Variants in EXOC3L1 observed in about 807,000 individuals in gnomAD.
EXOC3L1 encodes exocyst complex component 3-like protein.
In EXOC3L1, 79 loss-of-function variants were observed where a neutral mutation model predicts 83.6. The observed-to-expected ratio is 0.95, with a 90% confidence interval of 0.79 to 1.14. EXOC3L1 has a LOEUF of 1.14. EXOC3L1 is among the 50% of genes most tolerant of loss of function. The probability of loss-of-function intolerance (pLI) is 0.00; values close to 1 mark genes in which losing one functional copy is unlikely to be tolerated. For synonymous variants in EXOC3L1, 433 were observed against 451.2 expected, an observed-to-expected ratio of 0.96 and a Z score of 0.51; for missense variants, 945 against 972.0, an observed-to-expected ratio of 0.97 and a Z score of 0.37.
At position 67,186,652 on chromosome 16, in the gene EXOC3L1, C is replaced by A; in HGVS notation, c.1290G>T (p.Leu430=). The change falls in exon 8 of 14, where the codon CTG becomes CTT. Residue 430 remains leucine, a synonymous_variant. Transcript: ENST00000314586. ...SPMPAIVLQI[L]EENIRVASLV... ...GGCTGGCCACACGAATGTTCTCTTC[C>A]AGGATCTGCAGGCAGAAATGAGCAG... The A allele has an allele frequency of 6.2e-7, 1 of 1,614,072 alleles. No individual in the cohort carries two copies. The highest frequency in any genetic ancestry group is 8.5e-7 in the Non-Finnish European group (1 of 1,179,982).
In EXOC3L1 at chr16:67,186,217, C is replaced by T. The variant is rs2032717229; in HGVS notation, c.1496+20G>A. ...ATAGGGGGTTAGTGAAGGTGGGGTTCCCTGGGGGCCTTCTGGTACCTGAGT... is the reference window on the plus strand; with the variant it reads ...ATAGGGGGTTAGTGAAGGTGGGGTTTCCTGGGGGCCTTCTGGTACCTGAGT... On this transcript the variant is annotated intron_variant, in intron 9 of 13. Transcript: ENST00000314586. The T allele has an allele frequency of 8.5e-6, 13 of 1,530,524 alleles. No individual in the cohort carries two copies. The highest frequency in any genetic ancestry group is 4.1e-5 in the African/African-American group (3 of 72,716). 94.8% of individuals were successfully genotyped at this position (1,530,524 alleles called of 1,614,324 possible). A position where few individuals can be genotyped will look rare whatever the true frequency, so the allele number is the denominator to read the frequency against.
Position 67,188,802 on chromosome 16 carries a change from T to A in EXOC3L1, c.346A>T (p.Thr116Ser). ...LLQGMSQALQ[T>S]LEPLRERVAQ... is the part of the protein sequence containing the mutation. ...ACCCGCTCCCGTAGGGGCTCTAGAG[T>A]CTGTAAGGCCTGGGACATGCCCTGG... The change falls in exon 4 of 14, where the codon ACT becomes TCT. Residue 116 changes from threonine to serine, a missense_variant. By Grantham distance (58) the Thr-to-Ser change is moderately conservative. Transcript: ENST00000314586. 6.2e-7 allele frequency: 1 copy of A among 1,613,212 alleles called. No homozygotes were observed. The highest frequency in any genetic ancestry group is 8.5e-7 in the Non-Finnish European group (1 of 1,179,996).
At position 67,185,067 on chromosome 16, in the gene EXOC3L1, G is replaced by A; in HGVS notation, c.1750-10C>T. The A allele has an allele frequency of 6.2e-7, 1 of 1,610,602 alleles. No individual in the cohort carries two copies. Among genetic ancestry groups the A allele is most frequent in the Non-Finnish European group, 8.5e-7 (1 of 1,178,398 alleles). On this transcript the variant is annotated splice_polypyrimidine_tract_variant and intron_variant, in intron 11 of 13. Coordinates refer to ENST00000314586, the MANE Select transcript of EXOC3L1 (RefSeq NM_178516.4). ...CCTCAGCCAGCAGCAGCTGCGGGGA[G>A]GCAATCAGGCGGGTGCAGGTCGCCT...
Position 67,189,093 on chromosome 16 carries a change from T to A in EXOC3L1, c.134A>T (p.Glu45Val), listed in dbSNP as rs760135018. The part of the protein sequence containing the change: ...KWASGIFYRP[E>V]QLARLGQYRS... ...GTACTGGCCTAGCCTGGCCAGCTGC[T>A]CCGGCCGGTAGAAGATGCCTGAGGC... Residue 45 changes from glutamate to valine, a missense_variant, in exon 3 of 14, where the codon GAG (glutamate) becomes GTG (valine). Coordinates refer to ENST00000314586, the MANE Select transcript of EXOC3L1 (RefSeq NM_178516.4). 1 of 1,608,182 alleles carries A rather than the reference T, an allele frequency of 6.2e-7. No homozygotes were observed. Among genetic ancestry groups the A allele is most frequent in the Non-Finnish European group, 8.5e-7 (1 of 1,179,028 alleles).
intron 10 of EXOC3L1, 33 bp downstream of exon 10, chr16:67,185,328 C>T (rs1273037061): frequency 1.2e-6 from 2 of 1,612,904 alleles, no homozygotes; most frequent in South Asian, 1.1e-5. Flanking sequence ...CACCTCTCCA[C>T]CTGCTCCCAT....
chr16:67,187,731 T>G lies in EXOC3L1; in HGVS notation c.534A>C (p.Ala178=). The part of the protein sequence containing the change: ...ELEQLREDTW[A]PLGGLELPVF... ...CTGGCAACTCCAGGCCCCCCAGGGGTGCCCACGTATCCTCTCGCAGCTGCT... is the reference window on the plus strand; with the variant it reads ...CTGGCAACTCCAGGCCCCCCAGGGGGGCCCACGTATCCTCTCGCAGCTGCT... Residue 178 remains alanine, a synonymous_variant, in exon 5 of 14, where the codon GCA becomes GCC. Coordinates refer to ENST00000314586, the MANE Select transcript of EXOC3L1 (RefSeq NM_178516.4). The G allele has an allele frequency of 6.2e-7, 1 of 1,612,906 alleles. No homozygotes were observed. The highest frequency in any genetic ancestry group is 8.5e-7 in the Non-Finnish European group (1 of 1,179,986).
chr16:67,184,574 C>G lies in EXOC3L1; in HGVS notation c.2061G>C (p.Leu687=), dbSNP rs2032623541. The change falls in exon 14 of 14, where the codon CTG becomes CTC. Residue 687 remains leucine, a synonymous_variant. Coordinates refer to ENST00000314586, the MANE Select transcript of EXOC3L1 (RefSeq NM_178516.4). ...GCTGCTCCCGGGACAAGTCCCCGCG[C>G]AGGCCCAAGAGGGCGGAGACGTGGT... ...SEDHVSALLG[L]RGDLSREQHL... 19 of 1,560,554 alleles carry G rather than the reference C, an allele frequency of 1.2e-5. No homozygotes were observed. Among genetic ancestry groups the G allele is most frequent in the Non-Finnish European group, 1.6e-5 (19 of 1,161,198 alleles).
At chr16:67,187,927 G>T in intron 4 of EXOC3L1, 90 bp from the exon 5 acceptor site, 2 of 1,460,798 alleles carry the variant, frequency 1.4e-6, no homozygotes, top group Non-Finnish European at 1.8e-6. Flanking sequence ...CCAGGGCGGG[G>T]GTGATGCATA....
rs1452624105 is a variant in EXOC3L1 at position 67,186,869 on chromosome 16, A to G, written c.1174T>C (p.Trp392Arg). The stretch of plus-strand genomic sequence containing the variant: ...TCCCCATCCAGTGCATTCTGCAGCC[A>G]CTGAGACACACTTGCCTGGGGGGAG... ...VANIQASVSQ[W>R]LQNALDGEVA... The change falls in exon 7 of 14, where the codon TGG becomes CGG. Residue 392 changes from tryptophan to arginine, a missense_variant. Trp to Arg is a moderately radical substitution (Grantham distance 101). Transcript: ENST00000314586. 6.2e-7 allele frequency: 1 copy of G among 1,613,626 alleles called. No homozygotes were observed. The highest frequency in any genetic ancestry group is 1.1e-5 in the South Asian group (1 of 91,078).
chr16:67,187,172 ACCAAGCCC>A, intron 5 of EXOC3L1, 34 bp from the exon 6 acceptor site: 1 of 1,611,472 alleles, frequency 6.2e-7, no homozygotes, highest in East Asian at 2.2e-5. Context: ...ACACCAAGCC[ACCAAGCCC>A]CCAGCCTCTG....
Position 67,186,193 on chromosome 16 carries a change from T to C in EXOC3L1, c.1496+44A>G, listed in dbSNP as rs756508216. 1.8e-5 allele frequency: 24 copies of C among 1,334,920 alleles called. No individual in the cohort carries two copies. In the South Asian group the frequency reaches 2.1e-4, roughly 12 times the overall value. The allele number at this position is 1,334,920 out of a possible 1,614,324, so 82.7% of individuals were successfully genotyped here. A position where few individuals can be genotyped will look rare whatever the true frequency, so the allele number is the denominator to read the frequency against. On this transcript the variant is annotated intron_variant, in intron 9 of 13. Transcript: ENST00000314586. ...GAGCCCATACATAATAGGTACTCAA[T>C]AGGGGGTTAGTGAAGGTGGGGTTCC...
intron 4 of EXOC3L1, among the ~76,000 whole-genome samples, chr16:67,188,444 C>T (rs538837598): frequency 2.6e-5 from 4 of 152,304 alleles, no homozygotes; most frequent in African/African-American, 7.2e-5. Flanking sequence ...CCTGCCAGTA[C>T]TCGCTCAGCC....
Position 67,188,848 on chromosome 16 carries a change from C to T in EXOC3L1, c.300G>A (p.Leu100=), listed in dbSNP as rs775303783. 2 of 1,613,296 alleles carry T rather than the reference C, an allele frequency of 1.2e-6. No homozygotes were observed. The highest frequency in any genetic ancestry group is 1.6e-4 in the Middle Eastern group (1 of 6,062). ...CCTGGAGCAACCCACGGGCCTGGCTCAGGGCCTCCCGGGTTCCCTGCACCA... is the reference window on the plus strand; with the variant it reads ...CCTGGAGCAACCCACGGGCCTGGCTTAGGGCCTCCCGGGTTCCCTGCACCA... The part of the protein sequence containing the change: ...IEVVQGTREA[L]SQARGLLQGM... Residue 100 remains leucine, a synonymous_variant, in exon 4 of 14, where the codon CTG becomes CTA. Coordinates refer to ENST00000314586, the MANE Select transcript of EXOC3L1 (RefSeq NM_178516.4).
At chr16:67,186,208 G>T in intron 9 of EXOC3L1, 29 bp downstream of exon 9, 1 of 1,469,654 alleles carries the variant, frequency 6.8e-7, no homozygotes, top group Admixed American at 2.0e-5. Context: ...GGTTAGTGAA[G>T]GTGGGGTTCC....
intron 12 of EXOC3L1, 23 bp downstream of exon 12, chr16:67,184,879 C>A (rs772023184): frequency 6.2e-7 from 1 of 1,611,558 alleles, no homozygotes; most frequent in Non-Finnish European, 8.5e-7. Flanking sequence ...TCTCGCCCGT[C>A]TGCCCGCCCA....
In EXOC3L1 at chr16:67,184,823, G is replaced by C. The variant is rs1429753751; in HGVS notation, c.1906-13C>G. The C allele has an allele frequency of 1.8e-5, 29 of 1,604,686 alleles. No homozygotes were observed. The highest frequency in any genetic ancestry group is 2.4e-5 in the Non-Finnish European group (28 of 1,179,706). On this transcript the variant is annotated splice_polypyrimidine_tract_variant and intron_variant, in intron 12 of 13. Coordinates refer to ENST00000314586, the MANE Select transcript of EXOC3L1 (RefSeq NM_178516.4). ...TCTCCTCCAGGCCCTGAGCACGTCG[G>C]GGTAGGGTCTCGCGCCAGCCCTCTC... is the stretch of plus-strand genomic sequence containing the variant.
In EXOC3L1 at chr16:67,187,552, C is replaced by G. The variant is rs2032764008; in HGVS notation, c.713G>C (p.Gly238Ala). The G allele has an allele frequency of 6.2e-7, 1 of 1,603,034 alleles. No individual in the cohort carries two copies. The highest frequency in any genetic ancestry group is 1.1e-5 in the South Asian group (1 of 90,872). The part of the protein sequence containing the change: ...EVETGRTTPL[G>A]QVPRDWRQRC... ...CTGACGCCAGTCCCGGGGGACCTGG[C>G]CCAGGGGGGTTGTTCGTCCAGTCTC... Residue 238 changes from glycine to alanine, a missense_variant, in exon 5 of 14, where the codon GGC becomes GCC. Transcript: ENST00000314586.
chr16:67,185,574 G>C (rs1167287729), intron 9 of EXOC3L1, 84 bp from the exon 10 acceptor site: 1 of 1,277,782 alleles, frequency 7.8e-7, no homozygotes, highest in African/African-American at 1.5e-5. Context: ...GCGCCACCTT[G>C]TGGGGCAAGT....
rs73585101 is a variant in EXOC3L1, at chr16:67,184,858, G to A, written c.1905+44C>T. 8.2e-3 allele frequency: 13,169 copies of A among 1,609,586 alleles called. 901 individuals are homozygous for A. The African/African-American group carries it at 0.15, about 19-fold the overall frequency. Reference sequence around the variant, plus strand: ...TCGCGCCAGCCCTCTCTCCCACCCAGCCACTGAGACTCTCGCCCGTCTGCC... The same window carrying A: ...TCGCGCCAGCCCTCTCTCCCACCCAACCACTGAGACTCTCGCCCGTCTGCC... On this transcript the variant is annotated intron_variant, in intron 12 of 13. Transcript: ENST00000314586.
Sources: gnomAD v4.1 joint callset for allele counts (sites outside exome capture counted in the v4.1 genomes callset) on GRCh38, gnomAD v4.1.1 for gene constraint, MANE v1.5 for transcripts, NCBI Gene and HGNC (gene_info 2026-07-23, HGNC 2026-07-21) for gene names.